The following SLC35F3 variants were observed in gnomAD, a reference collection of about 807,000 sequenced individuals.
SLC35F3 encodes putative thiamine transporter SLC35F3.
Under a neutral mutation model 49.9 loss-of-function variants are expected in SLC35F3, and 25 were observed. The observed-to-expected ratio is 0.50, with a 90% CI of 0.37 to 0.70. SLC35F3 has a LOEUF of 0.70. Among genes scored for constraint, SLC35F3 ranks in the 30% least tolerant of loss-of-function variants. The pLI, the probability that SLC35F3 is intolerant of heterozygous loss-of-function variation, is 0.00. For missense variants in SLC35F3, 525 were observed against 639.8 expected, an observed-to-expected ratio of 0.82 and a Z score of 1.94; for synonymous variants, 275 against 265.4, an observed-to-expected ratio of 1.04 and a Z score of -0.35.
intron 2 of SLC35F3, among the ~76,000 whole-genome samples, chr1:233,947,753 A>G (rs55825277): frequency 0.042 from 5,973 of 143,514 alleles, 270 homozygotes; most frequent in South Asian, 0.076. Context: ...AAGAGGGAGG[A>G]GAGAGAGAGA....
intron 2 of SLC35F3, among the ~76,000 whole-genome samples, chr1:233,947,305 G>A (rs1420916143): frequency 2.0e-5 from 3 of 152,024 alleles, no homozygotes; most frequent in Non-Finnish European, 4.4e-5. Context: ...ACTCCCACAG[G>A]GCATATGTCC....
At chr1:233,927,162 G>T (rs1280074948) in intron 2 of SLC35F3, among the ~76,000 whole-genome samples, 2 of 152,062 alleles carry the variant, frequency 1.3e-5, no homozygotes, top group Non-Finnish European at 2.9e-5. Flanking sequence ...TTTACCACTG[G>T]AAGACATCAT....
At chr1:234,180,365 T>C (rs1558252202) in intron 2 of SLC35F3, among the ~76,000 whole-genome samples, 2 of 152,188 alleles carry the variant, frequency 1.3e-5, no homozygotes, top group African/African-American at 4.8e-5. Flanking sequence ...CCTTCAGGTT[T>C]TCTTAAATCC....
At chr1:234,060,952 A>C (rs1344375055) in intron 2 of SLC35F3, among the ~76,000 whole-genome samples, 1 of 152,224 alleles carries the variant, frequency 6.6e-6, no homozygotes, top group Non-Finnish European at 1.5e-5. Context: ...TTATACACAG[A>C]CTTTTTAATA....
At chr1:233,937,622 A>G (rs1045051026) in intron 2 of SLC35F3, among the ~76,000 whole-genome samples, 2 of 152,262 alleles carry the variant, frequency 1.3e-5, no homozygotes, top group African/African-American at 4.8e-5. Flanking sequence ...TAGACAAAGA[A>G]GAACCTTTGA....
At chr1:234,140,002 A>AATAAAATAAATAAAAT in intron 2 of SLC35F3, among the ~76,000 whole-genome samples, 1 of 105,368 alleles carries the variant, frequency 9.5e-6, no homozygotes, top group Non-Finnish European at 2.4e-5. Context: ...AATAAAATAA[A>AATAAAATAAATAAAAT]GTAAGTGACT....
chr1:234,264,745 G>A (rs1667955846), intron 3 of SLC35F3, among the ~76,000 whole-genome samples: 1 of 152,082 alleles, frequency 6.6e-6, no homozygotes, highest in Admixed American at 6.6e-5. Context: ...TAGAGATGGG[G>A]TCTTTCTGTG....
At chr1:234,322,928 T>A (rs1657660809) in intron 7 of SLC35F3, 80 bp from the exon 8 acceptor site, 1 of 1,140,248 alleles carries the variant, frequency 8.8e-7, no homozygotes. Flanking sequence ...CAGAGGAGGG[T>A]GCCCCCAGGC....
intron 2 of SLC35F3, among the ~76,000 whole-genome samples, chr1:234,186,557 G>A (rs1246103854): frequency 6.6e-6 from 1 of 152,216 alleles, no homozygotes; most frequent in African/African-American, 2.4e-5. Flanking sequence ...CATTTGAGGT[G>A]AGATGTGACA....
chr1:234,112,492 G>C (rs1260961998), intron 2 of SLC35F3, among the ~76,000 whole-genome samples: 1 of 150,206 alleles, frequency 6.7e-6, no homozygotes, highest in Non-Finnish European at 1.5e-5. Flanking sequence ...ATCCCAAATA[G>C]TTATTGTCTT....
At chr1:234,241,604 A>T (rs502124) in intron 3 of SLC35F3, among the ~76,000 whole-genome samples, 3 of 151,882 alleles carry the variant, frequency 2.0e-5, no homozygotes, top group African/African-American at 7.3e-5. Context: ...GCATGGTAGC[A>T]CATGCCTGTA....
intron 2 of SLC35F3, among the ~76,000 whole-genome samples, chr1:234,192,495 A>G (rs1232513696): frequency 6.6e-6 from 1 of 152,192 alleles, no homozygotes; most frequent in African/African-American, 2.4e-5. Context: ...CCAACATAAT[A>G]CTGAATGGGG....
intron 2 of SLC35F3, among the ~76,000 whole-genome samples, chr1:234,186,947 C>T (rs968388373): frequency 2.6e-5 from 4 of 152,122 alleles, no homozygotes; most frequent in African/African-American, 9.7e-5. Context: ...GCTTTCTAAC[C>T]TGGCTCTGCA....
rs114512229 is a variant in SLC35F3 at position 234,298,828 on chromosome 1, A to C, written c.609-10273A>C. ...ACCCTCCCTTTAAGAAAAATTATAAAAGTTGGAGAAAATACTTTTAAAAAT... is the reference window on the plus strand; with the variant it reads ...ACCCTCCCTTTAAGAAAAATTATAACAGTTGGAGAAAATACTTTTAAAAAT... On this transcript the variant is annotated intron_variant, in intron 3 of 7. Coordinates refer to ENST00000366618, the MANE Select transcript of SLC35F3 (RefSeq NM_173508.4). 5.3e-3 allele frequency among the ~76,000 whole-genome samples: 800 copies of C among 152,330 alleles called. 6 individuals are homozygous for C. Among genetic ancestry groups the C allele is most frequent in the African/African-American group, 0.018 (769 of 41,568 alleles).
intron 2 of SLC35F3, among the ~76,000 whole-genome samples, chr1:233,967,657 G>A (rs773080930): frequency 1.6e-4 from 24 of 152,162 alleles, no homozygotes; most frequent in Non-Finnish European, 2.4e-4. Flanking sequence ...GAAACTACAT[G>A]CAGGATGACT....
At position 233,905,744 on chromosome 1, in the gene SLC35F3, C is replaced by T. The variant is rs1661765713; in HGVS notation, c.269C>T (p.Ala90Val). The change falls in exon 2 of 8, where the codon GCA (alanine) becomes GTA (valine). Residue 90 changes from alanine to valine, a missense_variant. By Grantham distance (64) the Ala-to-Val change is moderately conservative. Coordinates refer to ENST00000366618, the MANE Select transcript of SLC35F3 (RefSeq NM_173508.4). ...GGCTACTATGGCTACCAGCCCTGGG[C>T]AGCGAGCTGCAAAAGTAAGACCCCC... ...ITGYYGYQPW[A>V]ASCKREERPR... The T allele has an allele frequency of 1.2e-6, 2 of 1,611,510 alleles. No homozygotes were observed. Among genetic ancestry groups the T allele is most frequent in the Admixed American group, 1.7e-5 (1 of 59,926 alleles).
rs528760118 is a variant in SLC35F3 at position 234,298,085 on chromosome 1, T to C, written c.609-11016T>C. ...TACTTACTCCAAACTCATTAAATTG[T>C]ATACATTAAATATGCACTGCCTTTT... On this transcript the variant is annotated intron_variant, in intron 3 of 7. Coordinates refer to ENST00000366618, the MANE Select transcript of SLC35F3 (RefSeq NM_173508.4). Among the ~76,000 whole-genome samples the C allele has an allele frequency of 2.0e-5, 3 of 152,344 alleles. No individual in the cohort carries two copies. In the East Asian group the frequency reaches 5.8e-4, roughly 29 times the overall value.
intron 2 of SLC35F3, among the ~76,000 whole-genome samples, chr1:233,954,251 C>T (rs1275908171): frequency 6.6e-6 from 1 of 152,142 alleles, no homozygotes; most frequent in Non-Finnish European, 1.5e-5. Context: ...CGTGATCCGC[C>T]CACCTTGCCC....
chr1:233,982,414 G>A (rs1209521923), intron 2 of SLC35F3, among the ~76,000 whole-genome samples: 1 of 151,694 alleles, frequency 6.6e-6, no homozygotes, highest in Non-Finnish European at 1.5e-5. Context: ...TGCTCTTGTT[G>A]CCCAGGCTGG....
Sources: gnomAD v4.1 joint callset for allele counts (sites outside exome capture counted in the v4.1 genomes callset) on GRCh38, gnomAD v4.1.1 for gene constraint, MANE v1.5 for transcripts, NCBI Gene and HGNC (gene_info 2026-07-23, HGNC 2026-07-21) for gene names.